RAB11FIP2: variants seen among roughly 807,000 people sequenced by gnomAD.
RAB11FIP2 encodes rab11 family-interacting protein 2.
A neutral mutation model predicts 40.9 loss-of-function variants in RAB11FIP2; 16 were observed. The observed-to-expected ratio is 0.39, with a 90% confidence interval of 0.26 to 0.59. RAB11FIP2 has a LOEUF of 0.59. Among genes scored for constraint, RAB11FIP2 ranks in the 20% least tolerant of loss-of-function variants. The pLI, the probability that RAB11FIP2 is intolerant of heterozygous loss-of-function variation, is 0.53. For missense variants in RAB11FIP2, 532 were observed against 606.2 expected (o/e 0.88, Z 1.28); for synonymous variants, 228 against 213.7 (o/e 1.07, Z -0.58).
chr10:118,027,582 A>T (rs575825733), intron 3 of RAB11FIP2, among the ~76,000 whole-genome samples: 2 of 152,202 alleles, frequency 1.3e-5, no homozygotes, highest in Non-Finnish European at 2.9e-5. Context: ...CAAAGAGTTC[A>T]TTATACTTCA....
chr10:118,034,352 T>C (rs1846455263), intron 3 of RAB11FIP2, among the ~76,000 whole-genome samples: 1 of 114,650 alleles, frequency 8.7e-6, no homozygotes, highest in Admixed American at 8.2e-5. Context: ...TGCTATGTCC[T>C]AGTTAAAAAA....
intron 4 of RAB11FIP2, 79 bp downstream of exon 4, chr10:118,014,986 A>C (rs1204506974): frequency 2.4e-6 from 3 of 1,260,726 alleles, no homozygotes; most frequent in Non-Finnish European, 3.4e-6. Context: ...CAAGAAGACA[A>C]AGGCATTTTT....
In RAB11FIP2 at chr10:118,008,938, T is replaced by A; in HGVS notation, c.*60A>T. 7.2e-7 allele frequency: 1 copy of A among 1,393,382 alleles called. No homozygotes were observed. The highest frequency in any genetic ancestry group is 1.0e-6 in the Non-Finnish European group (1 of 994,384). 86.3% of individuals were successfully genotyped at this position (1,393,382 alleles called of 1,614,324 possible). On this transcript the variant is annotated 3_prime_UTR_variant, in exon 5 of 5. Coordinates refer to ENST00000355624, the MANE Select transcript of RAB11FIP2 (RefSeq NM_014904.3). ...GTCTCTTTCAGTAACAAGTTTTTCC[T>A]TCCTTCCTTCTTTCTTTCTCTCTCT...
At chr10:118,029,325 T>C (rs980147235) in intron 3 of RAB11FIP2, among the ~76,000 whole-genome samples, 2 of 151,936 alleles carry the variant, frequency 1.3e-5, no homozygotes, top group African/African-American at 4.8e-5. Flanking sequence ...ATGACCTCCA[T>C]CAACTCTCAC....
At chr10:118,044,068 T>G (rs983972606) in intron 1 of RAB11FIP2, among the ~76,000 whole-genome samples, 1 of 152,214 alleles carries the variant, frequency 6.6e-6, no homozygotes, top group Non-Finnish European at 1.5e-5. Context: ...CAATTTTATA[T>G]AATAGCCAGT....
At chr10:118,017,118 G>A (rs774243802) in intron 3 of RAB11FIP2, among the ~76,000 whole-genome samples, 1 of 152,122 alleles carries the variant, frequency 6.6e-6, no homozygotes, top group Non-Finnish European at 1.5e-5. Context: ...AAGTCACAGA[G>A]AGGTTAGGTA....
At chr10:118,036,896 G>A (rs1009383851) in intron 3 of RAB11FIP2, among the ~76,000 whole-genome samples, 8 of 151,972 alleles carry the variant, frequency 5.3e-5, no homozygotes, top group South Asian at 4.1e-4. Flanking sequence ...TTTAAAACCC[G>A]TAACAGCCCA....
chr10:118,025,489 C>G (rs1227233271), intron 3 of RAB11FIP2, among the ~76,000 whole-genome samples: 2 of 152,064 alleles, frequency 1.3e-5, no homozygotes, highest in South Asian at 4.1e-4. Context: ...CACTTAGAAA[C>G]GCAGTTTTTC....
chr10:118,041,757 T>C (rs1303565225), intron 1 of RAB11FIP2, among the ~76,000 whole-genome samples: 1 of 152,128 alleles, frequency 6.6e-6, no homozygotes, highest in Non-Finnish European at 1.5e-5. Flanking sequence ...GCACATGATA[T>C]AAATACCAGC....
chr10:118,014,809 T>A (rs915952181), intron 4 of RAB11FIP2, among the ~76,000 whole-genome samples: 1 of 152,186 alleles, frequency 6.6e-6, no homozygotes, highest in South Asian at 2.1e-4. Context: ...AAACAAAATA[T>A]GTATATTCTA....
intron 3 of RAB11FIP2, among the ~76,000 whole-genome samples, chr10:118,037,659 T>C (rs1053846806): frequency 6.6e-6 from 1 of 152,080 alleles, no homozygotes; most frequent in Non-Finnish European, 1.5e-5. Flanking sequence ...ATGGAGATAC[T>C]GAGGTTTATG....
At chr10:118,018,625 C>A (rs1329753077) in intron 3 of RAB11FIP2, among the ~76,000 whole-genome samples, 1 of 152,038 alleles carries the variant, frequency 6.6e-6, no homozygotes, top group Non-Finnish European at 1.5e-5. Flanking sequence ...AAGAATTTTC[C>A]CCAGTAAACT....
intron 3 of RAB11FIP2, among the ~76,000 whole-genome samples, chr10:118,033,550 T>C (rs1589645732): frequency 6.6e-6 from 1 of 152,036 alleles, no homozygotes. Context: ...GAGTTGAGAG[T>C]GCACCCCACA....
At chr10:118,037,563 C>T (rs1846497082) in intron 3 of RAB11FIP2, among the ~76,000 whole-genome samples, 1 of 151,868 alleles carries the variant, frequency 6.6e-6, no homozygotes, top group African/African-American at 2.4e-5. Flanking sequence ...TTATGGATTC[C>T]CTATTTGGGG....
chr10:118,012,749 C>T (rs950784855), intron 4 of RAB11FIP2, among the ~76,000 whole-genome samples: 1 of 152,150 alleles, frequency 6.6e-6, no homozygotes, highest in South Asian at 2.1e-4. Context: ...ATGCAACTTA[C>T]AATGGTTACT....
At chr10:118,013,288 T>TG (rs913842810) in intron 4 of RAB11FIP2, among the ~76,000 whole-genome samples, 1 of 152,040 alleles carries the variant, frequency 6.6e-6, no homozygotes, top group African/African-American at 2.4e-5. Context: ...AACTTTGCTC[T>TG]GGGAATATCA....
rs1263894744 is a variant in RAB11FIP2, at chr10:118,046,196, G to C, written c.-33C>G. Reference sequence around the variant, plus strand: ...TGTTTCTCTGCCCCCGAGTTCCCTAGCACAGGCAGTGCCCCTCCCGGAGGG... The same window carrying C: ...TGTTTCTCTGCCCCCGAGTTCCCTACCACAGGCAGTGCCCCTCCCGGAGGG... On this transcript the variant is annotated 5_prime_UTR_variant, in exon 1 of 5. Transcript: ENST00000355624. 1.9e-6 allele frequency: 3 copies of C among 1,577,798 alleles called. No individual in the cohort carries two copies. The highest frequency in any genetic ancestry group is 2.6e-6 in the Non-Finnish European group (3 of 1,151,882).
At chr10:118,019,402 C>T (rs1846257243) in intron 3 of RAB11FIP2, among the ~76,000 whole-genome samples, 1 of 152,176 alleles carries the variant, frequency 6.6e-6, no homozygotes, top group Non-Finnish European at 1.5e-5. Flanking sequence ...GTAACTTTCT[C>T]AAACGCCAGT....
intron 4 of RAB11FIP2, among the ~76,000 whole-genome samples, chr10:118,011,084 T>G (rs968811752): frequency 6.6e-6 from 1 of 152,076 alleles, no homozygotes; most frequent in Non-Finnish European, 1.5e-5. Context: ...AACAGTGGAA[T>G]CATTTGGAGG....
Sources: gnomAD v4.1 joint callset for allele counts (sites outside exome capture counted in the v4.1 genomes callset) on GRCh38, gnomAD v4.1.1 for gene constraint, MANE v1.5 for transcripts, NCBI Gene and HGNC (gene_info 2026-07-23, HGNC 2026-07-21) for gene names.